Variants in ROBO2 observed in about 807,000 individuals in gnomAD.
The protein encoded by ROBO2 is roundabout guidance receptor 2.
A neutral mutation model predicts 160.8 loss-of-function variants in ROBO2; 53 were observed. That is an observed-to-expected ratio of 0.33 (90% CI 0.26 to 0.41). The LOEUF (loss-of-function observed/expected upper bound fraction) is 0.41, where lower values mean the gene tolerates loss of function less well. Ranked by LOEUF, ROBO2 falls within the 10% of genes least tolerant of loss-of-function variation. The pLI, the probability that ROBO2 is intolerant of heterozygous loss-of-function variation, is 1.00. For missense variants in ROBO2, 1,577 were observed against 1,722.4 expected (o/e 0.92, Z 1.49); for synonymous variants, 664 against 611.7 (o/e 1.09, Z -1.26).
At chr3:76,435,289 T>A in intron 2 of ROBO2, 1 of 1,103,978 alleles carries the variant, frequency 9.1e-7, no homozygotes, top group East Asian at 2.4e-5. Flanking sequence ...TGTGAGATAG[T>A]CAGTGCCAAA....
chr3:76,808,304 T>G (rs1285000485), intron 2 of ROBO2, among the ~76,000 whole-genome samples: 5 of 152,084 alleles, frequency 3.3e-5, no homozygotes, highest in Non-Finnish European at 5.9e-5. Flanking sequence ...GAACAATAAG[T>G]TAACATATGA....
chr3:77,033,315 C>G (rs2063436019), intron 2 of ROBO2, among the ~76,000 whole-genome samples: 2 of 152,112 alleles, frequency 1.3e-5, no homozygotes, highest in Non-Finnish European at 2.9e-5. Flanking sequence ...TAATATTTTC[C>G]TGATGACAAG....
intron 2 of ROBO2, among the ~76,000 whole-genome samples, chr3:76,067,834 C>A (rs913219141): frequency 8.9e-5 from 8 of 90,162 alleles, no homozygotes; most frequent in African/African-American, 4.5e-4. Flanking sequence ...GAGGTTAAGC[C>A]CTAAAATATC....
chr3:77,286,621 T>C (rs1372858536), intron 2 of ROBO2, among the ~76,000 whole-genome samples: 1 of 152,190 alleles, frequency 6.6e-6, no homozygotes, highest in Non-Finnish European at 1.5e-5. Flanking sequence ...ATCATCCATG[T>C]AGAATATTCC....
chr3:75,988,040 G>T (rs2065461732), intron 2 of ROBO2, among the ~76,000 whole-genome samples: 1 of 151,900 alleles, frequency 6.6e-6, no homozygotes, highest in Admixed American at 6.6e-5. Context: ...GTAGGGTAAT[G>T]CTGGCCTCAT....
At chr3:76,253,620 C>A (rs1057302520) in intron 2 of ROBO2, among the ~76,000 whole-genome samples, 8 of 149,126 alleles carry the variant, frequency 5.4e-5, no homozygotes, top group African/African-American at 2.0e-4. Context: ...TTTACAGCCA[C>A]TAAGAGTAAT....
At chr3:76,031,292 A>T (rs563556027) in intron 2 of ROBO2, among the ~76,000 whole-genome samples, 1 of 152,154 alleles carries the variant, frequency 6.6e-6, no homozygotes, top group Admixed American at 6.5e-5. Flanking sequence ...CTAAATATAA[A>T]TCATGTCATA....
chr3:76,908,725 A>G (rs1013166248), intron 2 of ROBO2, among the ~76,000 whole-genome samples: 3 of 152,196 alleles, frequency 2.0e-5, no homozygotes, highest in African/African-American at 4.8e-5. Flanking sequence ...TACAACTAAG[A>G]AAGTTTTTAC....
intron 2 of ROBO2, among the ~76,000 whole-genome samples, chr3:76,060,234 T>C (rs1051394962): frequency 1.8e-4 from 27 of 152,188 alleles, no homozygotes; most frequent in Non-Finnish European, 4.4e-5. Context: ...ATCACATCTA[T>C]GCTGAATGTT....
intron 2 of ROBO2, among the ~76,000 whole-genome samples, chr3:76,853,118 A>T (rs984065704): frequency 1.3e-5 from 2 of 152,078 alleles, no homozygotes; most frequent in African/African-American, 4.8e-5. Context: ...TCTAAAGCAC[A>T]TACTTTCCAT....
chr3:77,183,916 G>GCA (rs1336177144), intron 2 of ROBO2, among the ~76,000 whole-genome samples: 1 of 152,016 alleles, frequency 6.6e-6, no homozygotes, highest in Non-Finnish European at 1.5e-5. Flanking sequence ...TATCACATTA[G>GCA]CACACAGCGT....
intron 2 of ROBO2, among the ~76,000 whole-genome samples, chr3:76,854,770 G>T (rs1266102130): frequency 6.6e-6 from 1 of 152,022 alleles, no homozygotes; most frequent in Non-Finnish European, 1.5e-5. Context: ...AGTTAGCATA[G>T]AAATGTGTAT....
intron 2 of ROBO2, among the ~76,000 whole-genome samples, chr3:76,899,145 A>G (rs1309827091): frequency 1.3e-5 from 2 of 152,188 alleles, no homozygotes; most frequent in Non-Finnish European, 2.9e-5. Flanking sequence ...GTATAGAACT[A>G]TAAATAAAAC....
intron 2 of ROBO2, among the ~76,000 whole-genome samples, chr3:76,506,802 T>A (rs972529257): frequency 2.0e-5 from 3 of 152,310 alleles, no homozygotes; most frequent in African/African-American, 2.4e-5. Flanking sequence ...GAGTGATCCC[T>A]GATTCATGAA....
chr3:77,233,436 G>A (rs1008229761), intron 2 of ROBO2, among the ~76,000 whole-genome samples: 1 of 152,082 alleles, frequency 6.6e-6, no homozygotes, highest in Non-Finnish European at 1.5e-5. Context: ...AGGCCCTGGT[G>A]ACAGGAGACA....
chr3:75,928,507 G>A (rs1947383587), intron 1 of ROBO2, among the ~76,000 whole-genome samples: 1 of 152,006 alleles, frequency 6.6e-6, no homozygotes, highest in Non-Finnish European at 1.5e-5. Flanking sequence ...CAAGAATTAA[G>A]CCTCACAGGC....
At chr3:77,318,908 T>A (rs1169675559) in intron 2 of ROBO2, among the ~76,000 whole-genome samples, 1 of 152,182 alleles carries the variant, frequency 6.6e-6, no homozygotes, top group African/African-American at 2.4e-5. Flanking sequence ...TCATCATGAT[T>A]GCTTTAGTGC....
intron 2 of ROBO2, among the ~76,000 whole-genome samples, chr3:76,438,817 T>C (rs1194882761): frequency 6.6e-6 from 1 of 152,014 alleles, no homozygotes; most frequent in Non-Finnish European, 1.5e-5. Flanking sequence ...ATACATTCAA[T>C]GAATAAAGAA....
chr3:76,841,756 G>GGAAGGACATC (rs2068291022), intron 2 of ROBO2, among the ~76,000 whole-genome samples: 1 of 152,156 alleles, frequency 6.6e-6, no homozygotes, highest in African/African-American at 2.4e-5. Flanking sequence ...TCCTCAAGAA[G>GGAAGGACATC]GAAGGACATC....
Sources: allele counts gnomAD v4.1 joint callset (sites outside exome capture counted in the v4.1 genomes callset), GRCh38; gene constraint gnomAD v4.1.1; transcripts MANE v1.5; gene names NCBI Gene and HGNC (gene_info 2026-07-23, HGNC 2026-07-21).